ASIC2: variants seen among roughly 807,000 people sequenced by gnomAD.
ASIC2 encodes the protein acid sensing ion channel subunit 2.
ASIC2 carries 25 observed loss-of-function variants against 57.3 expected under a neutral mutation model. That is an observed-to-expected ratio of 0.44 (90% CI 0.32 to 0.61). ASIC2 has a LOEUF of 0.61. ASIC2 is among the 20% of genes least tolerant of loss of function. The probability of loss-of-function intolerance (pLI) is 0.06; values close to 1 mark genes in which losing one functional copy is unlikely to be tolerated. For missense variants in ASIC2, 641 were observed against 738.1 expected (o/e 0.87, Z 1.52); for synonymous variants, 319 against 307.5 (o/e 1.04, Z -0.39).
intron 1 of ASIC2, among the ~76,000 whole-genome samples, chr17:34,137,255 G>A (rs1912152738): frequency 6.6e-6 from 1 of 152,168 alleles, no homozygotes; most frequent in Non-Finnish European, 1.5e-5. Flanking sequence ...ATGAATAAGT[G>A]GACATCAGGT....
At chr17:33,471,868 C>A (rs1424566444) in intron 1 of ASIC2, among the ~76,000 whole-genome samples, 1 of 152,000 alleles carries the variant, frequency 6.6e-6, no homozygotes, top group Non-Finnish European at 1.5e-5. Context: ...TATGCATTAT[C>A]TAATTTAATG....
At chr17:33,243,740 T>C (rs540506856) in intron 1 of ASIC2, among the ~76,000 whole-genome samples, 1 of 152,328 alleles carries the variant, frequency 6.6e-6, no homozygotes, top group African/African-American at 2.4e-5. Context: ...GGGCTTTTTT[T>C]CACTTAAAAA....
intron 1 of ASIC2, among the ~76,000 whole-genome samples, chr17:33,829,062 A>G (rs1913026506): frequency 6.6e-6 from 1 of 152,222 alleles, no homozygotes; most frequent in Non-Finnish European, 1.5e-5. Context: ...ATGAACTACA[A>G]CAACCACTAG....
chr17:33,667,668 A>G (rs569329998), intron 1 of ASIC2, among the ~76,000 whole-genome samples: 74 of 152,336 alleles, frequency 4.9e-4, no homozygotes, highest in African/African-American at 1.5e-3. Flanking sequence ...CAAATTACCA[A>G]AAACTTAGTG....
In ASIC2 at chr17:33,520,345, T is replaced by G. The variant is rs1246480447; in HGVS notation, c.556-408278A>C. 3.3e-5 allele frequency among the ~76,000 whole-genome samples: 5 copies of G among 152,232 alleles called. No homozygotes were observed. The East Asian group carries it at 9.6e-4, about 29-fold the overall frequency. ...GCGAATTCATTCTTGTGTCTGCACC[T>G]GCAGAACATACGCTCTTTGGCCAGT... On this transcript the variant is annotated intron_variant, in intron 1 of 9. Coordinates refer to the ASIC2 transcript ENST00000359872.
In ASIC2 at chr17:33,549,033, G is replaced by A. The variant is rs1291052787; in HGVS notation, c.556-436966C>T. Among the ~76,000 whole-genome samples, 8 of 152,144 alleles carry A rather than the reference G, an allele frequency of 5.3e-5. No individual in the cohort carries two copies. In the East Asian group the frequency reaches 1.4e-3, roughly 26 times the overall value. On this transcript the variant is annotated intron_variant, in intron 1 of 9. Coordinates refer to the ASIC2 transcript ENST00000359872. The stretch of plus-strand genomic sequence containing the variant: ...ATTTATTTGTTCACTTGTTTTGTCT[G>A]TTTCTTGTATTGTCTGTTTCCTCCA...
At chr17:33,959,579 G>A (rs1268812230) in intron 1 of ASIC2, among the ~76,000 whole-genome samples, 3 of 152,214 alleles carry the variant, frequency 2.0e-5, no homozygotes, top group Non-Finnish European at 4.4e-5. Context: ...GTAAGTCCAA[G>A]AGTCCAAAAG....
At chr17:33,267,409 G>GATGACTGA (rs1909503969) in intron 1 of ASIC2, among the ~76,000 whole-genome samples, 1 of 152,188 alleles carries the variant, frequency 6.6e-6, no homozygotes, top group Non-Finnish European at 1.5e-5. Context: ...TGATACAGCT[G>GATGACTGA]ATGACTGAAT....
chr17:34,015,248 G>A (rs2142024573), intron 1 of ASIC2, among the ~76,000 whole-genome samples: 1 of 152,100 alleles, frequency 6.6e-6, no homozygotes, highest in African/African-American at 2.4e-5. Flanking sequence ...GCTACAATTT[G>A]GGGTGACAGA....
intron 1 of ASIC2, among the ~76,000 whole-genome samples, chr17:33,742,606 C>T (rs1193828697): frequency 4.6e-5 from 7 of 152,198 alleles, no homozygotes; most frequent in South Asian, 4.2e-4. Context: ...GATAAATTTA[C>T]GGAACAATGC....
At chr17:33,129,704 A>G (rs2092337694) in intron 1 of ASIC2, among the ~76,000 whole-genome samples, 1 of 152,184 alleles carries the variant, frequency 6.6e-6, no homozygotes, top group African/African-American at 2.4e-5. Flanking sequence ...TCTGAGCTAG[A>G]GAATTCAGGA....
intron 1 of ASIC2, among the ~76,000 whole-genome samples, chr17:33,762,864 G>A (rs1252096816): frequency 2.6e-5 from 4 of 152,192 alleles, no homozygotes; most frequent in Non-Finnish European, 5.9e-5. Context: ...GACTCCTGGA[G>A]AGGAACCTCA....
chr17:33,050,814 A>G (rs968593408), intron 3 of ASIC2, among the ~76,000 whole-genome samples: 1 of 152,078 alleles, frequency 6.6e-6, no homozygotes, highest in Non-Finnish European at 1.5e-5. Flanking sequence ...TGGAAACACC[A>G]TGAGAAAGTG....
chr17:33,049,883 T>A (rs973731178), intron 3 of ASIC2, among the ~76,000 whole-genome samples: 1 of 152,100 alleles, frequency 6.6e-6, no homozygotes, highest in Admixed American at 6.6e-5. Context: ...CATTTTGGAA[T>A]TATGGCAAGG....
intron 1 of ASIC2, among the ~76,000 whole-genome samples, chr17:33,914,016 T>A (rs1027427848): frequency 6.6e-5 from 10 of 152,324 alleles, no homozygotes; most frequent in Non-Finnish European, 5.9e-5. Flanking sequence ...TACTAAACTT[T>A]ATCGCAGGGC....
At chr17:33,464,391 A>G (rs1306588276) in intron 1 of ASIC2, among the ~76,000 whole-genome samples, 1 of 152,122 alleles carries the variant, frequency 6.6e-6, no homozygotes, top group Admixed American at 6.5e-5. Context: ...AGAATAAGAA[A>G]TTTCAATTAA....
At chr17:33,417,588 A>G (rs1380504229) in intron 1 of ASIC2, among the ~76,000 whole-genome samples, 1 of 152,134 alleles carries the variant, frequency 6.6e-6, no homozygotes, top group African/African-American at 2.4e-5. Context: ...GGCACTGGGG[A>G]TGTGAAAACA....
At chr17:33,746,370 A>G (rs905550589) in intron 1 of ASIC2, among the ~76,000 whole-genome samples, 1 of 148,952 alleles carries the variant, frequency 6.7e-6, no homozygotes, top group Non-Finnish European at 1.5e-5. Context: ...ATATGTAGAT[A>G]TACATGTATA....
rs575221151 is a variant in ASIC2, at chr17:33,985,777, C to A, written c.555+170201G>T. On this transcript the variant is annotated intron_variant, in intron 1 of 9. Transcript: ENST00000359872. ...GATCTTGCCACTCCTCTGTCTAAAG[C>A]TGGTAATGTAGAAGTCTTTACATTG... Among the ~76,000 whole-genome samples, 24 of 152,312 alleles carry A rather than the reference C, an allele frequency of 1.6e-4. No homozygotes were observed. In the South Asian group the frequency reaches 2.5e-3, roughly 16 times the overall value.
Sources: allele counts gnomAD v4.1 joint callset (sites outside exome capture counted in the v4.1 genomes callset), GRCh38; gene constraint gnomAD v4.1.1; transcripts MANE v1.5; gene names NCBI Gene and HGNC (gene_info 2026-07-23, HGNC 2026-07-21).